The following HLCS variants were observed in gnomAD, a reference collection of about 807,000 sequenced individuals.
HLCS encodes the protein holocarboxylase synthetase.
HLCS carries 53 observed loss-of-function variants against 75.0 expected under a neutral mutation model. The ratio of observed to expected loss-of-function variants is 0.71; its 90% CI spans 0.57 to 0.89. The LOEUF (loss-of-function observed/expected upper bound fraction) is 0.89. Ranked by LOEUF, HLCS falls within the 40% of genes least tolerant of loss-of-function variation. The probability of loss-of-function intolerance (pLI) is 0.00; values close to 1 mark genes in which losing one functional copy is unlikely to be tolerated. For synonymous variants in HLCS, 431 were observed against 428.6 expected, an observed-to-expected ratio of 1.01 and a Z score of -0.07; for missense variants, 966 against 1,074.0, an observed-to-expected ratio of 0.90 and a Z score of 1.41.
intron 6 of HLCS, among the ~76,000 whole-genome samples, chr21:36,850,710 C>T (rs995899963): frequency 5.1e-4 from 78 of 152,234 alleles, no homozygotes; most frequent in African/African-American, 1.7e-3. Flanking sequence ...ATTCTGGGGT[C>T]GGGGGACAAG....
chr21:36,785,989 G>C (rs1373966222), intron 6 of HLCS, among the ~76,000 whole-genome samples: 1 of 152,140 alleles, frequency 6.6e-6, no homozygotes, highest in African/African-American at 2.4e-5. Context: ...GTGGCCCTGA[G>C]AGCTGCAGGT....
chr21:36,947,738 G>C, intron 2 of HLCS: 1 of 985,352 alleles, frequency 1.0e-6, no homozygotes, highest in Non-Finnish European at 1.2e-6. Context: ...CCAAGAAGCA[G>C]TCCGGGAGTG....
intron 6 of HLCS, among the ~76,000 whole-genome samples, chr21:36,796,235 C>T (rs893504811): frequency 6.6e-6 from 1 of 152,206 alleles, no homozygotes; most frequent in African/African-American, 2.4e-5. Context: ...AATGCTACAT[C>T]TTATGTGTAT....
At chr21:36,957,295 TCTCATTCTTGCCATGTGACACACCTGCAC>T (rs2068017867) in intron 2 of HLCS, among the ~76,000 whole-genome samples, 1 of 152,260 alleles carries the variant, frequency 6.6e-6, no homozygotes, top group African/African-American at 2.4e-5. Context: ...TCAGTCTCAC[TCTCATTCTTGCCATGTGACACACCTGCAC>T]CTCTGTCACT....
At chr21:36,768,189 G>A (rs1341025971) in intron 6 of HLCS, among the ~76,000 whole-genome samples, 1 of 152,240 alleles carries the variant, frequency 6.6e-6, no homozygotes, top group Non-Finnish European at 1.5e-5. Flanking sequence ...CTTTGTCAGT[G>A]CAGATGAGGG....
At chr21:36,960,988 A>G (rs757285891) in intron 2 of HLCS, among the ~76,000 whole-genome samples, 1 of 152,230 alleles carries the variant, frequency 6.6e-6, no homozygotes, top group African/African-American at 2.4e-5. Context: ...GATAATGAAC[A>G]TGAGGATGGA....
intron 6 of HLCS, among the ~76,000 whole-genome samples, chr21:36,772,556 T>C (rs1051552583): frequency 1.3e-5 from 2 of 150,292 alleles, no homozygotes; most frequent in South Asian, 4.2e-4. Flanking sequence ...GGAGGATCAC[T>C]TGAGGCAGGG....
In HLCS at chr21:36,765,023, G is replaced by T; in HGVS notation, c.2110C>A (p.Pro704Thr). 6.2e-7 allele frequency: 1 copy of T among 1,614,228 alleles called. No homozygotes were observed. Among genetic ancestry groups the T allele is most frequent in the South Asian group, 1.1e-5 (1 of 91,082 alleles). ...TGAACTGTACCTACCTGATACTCGG[G>T]AATGGACCTCACTGCTTCCACGACA... ...VAVVEAVRSI[P>T]EYQDINLRVK... is the part of the protein sequence containing the mutation. The change falls in exon 8 of 11, where the codon CCC (proline) becomes ACC (threonine). Residue 704 changes from proline (P) to threonine (T), a missense_variant. By Grantham distance (38) the Pro-to-Thr change is conservative (BLOSUM62 -1). Coordinates refer to ENST00000674895, the MANE Select transcript of HLCS (RefSeq NM_001352514.2).
At chr21:36,779,666 G>C (rs925277532) in intron 6 of HLCS, among the ~76,000 whole-genome samples, 2 of 151,808 alleles carry the variant, frequency 1.3e-5, no homozygotes, top group Admixed American at 1.3e-4. Flanking sequence ...TTAGCCTGAG[G>C]GTATAGATTC....
At chr21:36,760,505 G>A (rs2089791570) in intron 8 of HLCS, among the ~76,000 whole-genome samples, 1 of 151,996 alleles carries the variant, frequency 6.6e-6, no homozygotes, top group South Asian at 2.1e-4. Flanking sequence ...AGCTACTTGA[G>A]AGGCTGAGGC....
intron 8 of HLCS, among the ~76,000 whole-genome samples, chr21:36,762,283 G>C (rs1458050848): frequency 6.6e-6 from 1 of 152,206 alleles, no homozygotes; most frequent in African/African-American, 2.4e-5. Context: ...AGTAGCTGGA[G>C]GGTCTGAGAA....
Position 36,874,191 on chromosome 21 carries a change from C to T in HLCS, c.1892+22669G>A, listed in dbSNP as rs138761900. 2.0e-5 allele frequency among the ~76,000 whole-genome samples: 3 copies of T among 152,076 alleles called. No individual in the cohort carries two copies. In the East Asian group the frequency reaches 5.8e-4, roughly 29 times the overall value. On this transcript the variant is annotated intron_variant, in intron 6 of 10. Transcript: ENST00000674895. The stretch of plus-strand genomic sequence containing the variant: ...TTTCCCCATCGGATTGCTTTAACAC[C>T]TGTCTCAAAAATCAAAGGCCCTAAC...
At chr21:36,820,537 G>A (rs1214212236) in intron 6 of HLCS, among the ~76,000 whole-genome samples, 2 of 152,386 alleles carry the variant, frequency 1.3e-5, no homozygotes, top group Middle Eastern at 3.4e-3. Flanking sequence ...TCATGACCCA[G>A]CCAGGTGTGC....
chr21:36,756,450 CAAAAAAAAAAAAAAAAAA>C (rs56071863), intron 10 of HLCS, 74 bp downstream of exon 10: 16 of 369,598 alleles, frequency 4.3e-5, no homozygotes, highest in African/African-American at 1.9e-4. Context: ...GACTCCGTCT[CAAAAAAAAAAAAAAAAAA>C]AAAAAAAAAA....
intron 6 of HLCS, among the ~76,000 whole-genome samples, chr21:36,781,980 TAA>T (rs1380518001): frequency 3.9e-5 from 5 of 128,626 alleles, no homozygotes; most frequent in African/African-American, 6.2e-5. Flanking sequence ...ATTAATGAGT[TAA>T]GAGATCTATT....
At chr21:36,807,095 G>A (rs2061383750) in intron 6 of HLCS, among the ~76,000 whole-genome samples, 1 of 152,150 alleles carries the variant, frequency 6.6e-6, no homozygotes, top group Non-Finnish European at 1.5e-5. Context: ...AAGTCACCCA[G>A]AAGTGCAAAA....
At chr21:36,841,459 G>A (rs111461688) in intron 6 of HLCS, among the ~76,000 whole-genome samples, 1 of 152,216 alleles carries the variant, frequency 6.6e-6, no homozygotes, top group Non-Finnish European at 1.5e-5. Context: ...TAAAGGATAG[G>A]ACGATGGCCT....
At chr21:36,936,421 A>G in intron 4 of HLCS, 28 bp downstream of exon 4, 1 of 1,582,494 alleles carries the variant, frequency 6.3e-7, no homozygotes, top group African/African-American at 1.3e-5. Flanking sequence ...ATACCCAAAG[A>G]TCACCAAATC....
intron 6 of HLCS, among the ~76,000 whole-genome samples, chr21:36,871,370 C>G (rs531364365): frequency 6.6e-6 from 1 of 152,154 alleles, no homozygotes; most frequent in East Asian, 1.9e-4. Context: ...TAACTTTATA[C>G]TTTTTATATA....
Sources: gnomAD v4.1 joint callset for allele counts (sites outside exome capture counted in the v4.1 genomes callset) on GRCh38, gnomAD v4.1.1 for gene constraint, MANE v1.5 for transcripts, NCBI Gene and HGNC (gene_info 2026-07-23, HGNC 2026-07-21) for gene names.